Variants in CEP170 observed in about 807,000 individuals in gnomAD.
The protein encoded by CEP170 is centrosomal protein of 170 kDa.
In CEP170, 21 loss-of-function variants were observed where a neutral mutation model predicts 151.9. The observed-to-expected ratio is 0.14, with a 90% CI of 0.10 to 0.20. The LOEUF (loss-of-function observed/expected upper bound fraction) is 0.20. Ranked by LOEUF, CEP170 falls within the 10% of genes least tolerant of loss-of-function variation. CEP170 has a pLI of 1.00. For synonymous variants in CEP170, 356 were observed against 648.8 expected (o/e 0.55, Z 6.86); for missense variants, 964 against 1,892.9 (o/e 0.51, Z 9.11).
intron 14 of CEP170, among the ~76,000 whole-genome samples, chr1:243,145,273 T>A (rs889528893): frequency 6.6e-6 from 1 of 152,192 alleles, no homozygotes; most frequent in Non-Finnish European, 1.5e-5. Context: ...TATTTAAAAA[T>A]TTGCCTTATT....
intron 14 of CEP170, among the ~76,000 whole-genome samples, chr1:243,143,148 G>A (rs769432044): frequency 6.6e-6 from 1 of 152,010 alleles, no homozygotes; most frequent in South Asian, 2.1e-4. Flanking sequence ...CACCTGAGAA[G>A]GGCCCTACAA....
chr1:243,198,478 C>T (rs2148819463), intron 7 of CEP170, among the ~76,000 whole-genome samples: 1 of 152,110 alleles, frequency 6.6e-6, no homozygotes, highest in East Asian at 1.9e-4. Flanking sequence ...AATTTCATAT[C>T]ACATTTCTGA....
At chr1:243,221,639 T>C (rs2062826106) in intron 3 of CEP170, 85 bp downstream of exon 3, 1 of 1,328,144 alleles carries the variant, frequency 7.5e-7, no homozygotes, top group Admixed American at 2.5e-5. Flanking sequence ...AAAAAGAAAA[T>C]GTAGCTAGGA....
chr1:243,241,285 C>A (rs1353736722), intron 1 of CEP170, among the ~76,000 whole-genome samples: 1 of 152,126 alleles, frequency 6.6e-6, no homozygotes, highest in South Asian at 2.1e-4. Flanking sequence ...CTAGAATGTG[C>A]AAAACAGAAA....
intron 15 of CEP170, among the ~76,000 whole-genome samples, chr1:243,141,681 G>A (rs1315640943): frequency 6.6e-6 from 1 of 152,208 alleles, no homozygotes; most frequent in Admixed American, 6.5e-5. Context: ...GCAATGTTAT[G>A]CAAATGGTGC....
At chr1:243,140,949 G>T (rs1398376207) in intron 15 of CEP170, among the ~76,000 whole-genome samples, 1 of 152,064 alleles carries the variant, frequency 6.6e-6, no homozygotes, top group Non-Finnish European at 1.5e-5. Flanking sequence ...GATCCTTAAG[G>T]TTTTCATCAA....
At chr1:243,134,664 A>ATTT (rs774058654) in intron 17 of CEP170, among the ~76,000 whole-genome samples, 2 of 135,732 alleles carry the variant, frequency 1.5e-5, no homozygotes, top group Non-Finnish European at 1.6e-5. Context: ...TGCCCAGCCA[A>ATTT]TTTTTTTTTT....
At position 243,164,635 on chromosome 1, in the gene CEP170, C is replaced by T. The variant is rs2058320501; in HGVS notation, c.3325G>A (p.Gly1109Ser). The T allele has an allele frequency of 6.2e-7, 1 of 1,613,682 alleles. No homozygotes were observed. The highest frequency in any genetic ancestry group is 8.5e-7 in the Non-Finnish European group (1 of 1,179,696). Residue 1109 changes from glycine (G) to serine (S), a missense_variant, in exon 13 of 20, where the codon GGT becomes AGT. Physicochemically the swap from Gly to Ser is moderately conservative, Grantham distance 56. Transcript: ENST00000366542. ...GCAAGTTCACTGTCTGAAGCTTCAC[C>T]AAGTCGTGCTCTGCGCAAGAGGGAA... ...RTSLLRRARLGEASDSELADA... is the reference protein window; with the variant it reads ...RTSLLRRARLSEASDSELADA...
chr1:243,195,779 C>A (rs1314676431), intron 7 of CEP170, among the ~76,000 whole-genome samples: 1 of 152,018 alleles, frequency 6.6e-6, no homozygotes, highest in African/African-American at 2.4e-5. Context: ...TTTCTGCTGG[C>A]TTCATAAATT....
chr1:243,162,107 C>T (rs1032589002), intron 13 of CEP170, among the ~76,000 whole-genome samples: 1 of 152,144 alleles, frequency 6.6e-6, no homozygotes, highest in Non-Finnish European at 1.5e-5. Flanking sequence ...AGAATATAAA[C>T]TGGGTAAAAC....
At chr1:243,163,672 A>T (rs2058238209) in intron 13 of CEP170, among the ~76,000 whole-genome samples, 1 of 152,234 alleles carries the variant, frequency 6.6e-6, no homozygotes, top group Non-Finnish European at 1.5e-5. Flanking sequence ...CCATGAATCC[A>T]TCTTCTTCCA....
intron 10 of CEP170, among the ~76,000 whole-genome samples, chr1:243,179,350 T>G (rs927806996): frequency 1.4e-4 from 22 of 152,240 alleles, no homozygotes; most frequent in East Asian, 9.7e-4. Context: ...GCCAAGCAGA[T>G]TTTCCAGCTG....
chr1:243,213,099 T>C (rs2061960807), intron 3 of CEP170, among the ~76,000 whole-genome samples: 1 of 152,168 alleles, frequency 6.6e-6, no homozygotes, highest in Non-Finnish European at 1.5e-5. Context: ...ACTAACAAGG[T>C]ATTTCATATT....
intron 14 of CEP170, among the ~76,000 whole-genome samples, chr1:243,143,123 A>G (rs2056063072): frequency 6.6e-6 from 1 of 152,136 alleles, no homozygotes; most frequent in Non-Finnish European, 1.5e-5. Flanking sequence ...TTTCTTTGTA[A>G]TTCTTTTATG....
chr1:243,185,331 C>G lies in CEP170; in HGVS notation c.1566+448G>C, dbSNP rs1344451264. ...GAAAACATACGGACAAAGAACAAAG[C>G]TAAAATAAGTATTTTCATCTTCCAA... On this transcript the variant is annotated intron_variant, in intron 10 of 19. Coordinates refer to ENST00000366542, the MANE Select transcript of CEP170 (RefSeq NM_014812.3). The surrounding 1 kb of genome is among the most constrained non-coding windows in gnomAD (Gnocchi z 4.9). Among the ~76,000 whole-genome samples, 2 of 152,166 alleles carry G rather than the reference C, an allele frequency of 1.3e-5. No individual in the cohort carries two copies. Among genetic ancestry groups the G allele is most frequent in the Non-Finnish European group, 2.9e-5 (2 of 68,042 alleles).
At position 243,126,580 on chromosome 1, in the gene CEP170, T is replaced by A; in HGVS notation, c.4624A>T (p.Arg1542Trp). The A allele has an allele frequency of 6.3e-7, 1 of 1,574,996 alleles. No homozygotes were observed. Among genetic ancestry groups the A allele is most frequent in the Non-Finnish European group, 8.6e-7 (1 of 1,158,998 alleles). Reference sequence around the variant, plus strand: ...GAAACAGCAGCAGGATGAAGAGCCCTAGCTTCTGGTTGGCCAAGTGTTGGT... The same window carrying A: ...GAAACAGCAGCAGGATGAAGAGCCCAAGCTTCTGGTTGGCCAAGTGTTGGT... ...QTPTLGQPEA[R>W]ALHPAAVSAA... Residue 1542 changes from arginine (R) to tryptophan (W), a missense_variant, in exon 20 of 20, where the codon AGG (arginine) becomes TGG (tryptophan). Arg to Trp is a moderately radical substitution (Grantham distance 101). Transcript: ENST00000366542.
At chr1:243,189,067 G>A (rs1378932644) in intron 8 of CEP170, among the ~76,000 whole-genome samples, 3 of 152,048 alleles carry the variant, frequency 2.0e-5, no homozygotes, top group Admixed American at 1.3e-4. Flanking sequence ...GCACCATACT[G>A]GAATGTATGT....
chr1:243,151,156 C>T (rs981098894), intron 14 of CEP170, among the ~76,000 whole-genome samples: 30 of 152,328 alleles, frequency 2.0e-4, no homozygotes, highest in Admixed American at 2.6e-4. Flanking sequence ...GTTTCACAGC[C>T]GCAGTTCAAC....
At chr1:243,245,707 C>T (rs2065311755) in intron 1 of CEP170, among the ~76,000 whole-genome samples, 1 of 151,438 alleles carries the variant, frequency 6.6e-6, no homozygotes, top group East Asian at 1.9e-4. Context: ...GAGCAAGACT[C>T]CATCTCAAGA....
Sources: gnomAD v4.1 joint callset for allele counts (sites outside exome capture counted in the v4.1 genomes callset) on GRCh38, gnomAD v4.1.1 for gene constraint, Gnocchi (gnomAD v3.1) non-coding constraint, MANE v1.5 for transcripts, NCBI Gene and HGNC (gene_info 2026-07-23, HGNC 2026-07-21) for gene names.